The following PRKAG2 variants were observed in gnomAD, a reference collection of about 807,000 sequenced individuals.
PRKAG2 encodes 5'-AMP-activated protein kinase subunit gamma-2.
PRKAG2 carries 26 observed loss-of-function variants against 69.6 expected under a neutral mutation model. The observed-to-expected ratio is 0.37, with a 90% confidence interval of 0.27 to 0.52. The LOEUF (loss-of-function observed/expected upper bound fraction) is 0.52. PRKAG2 is among the 20% of genes least tolerant of loss of function. The pLI, the probability that PRKAG2 is intolerant of heterozygous loss-of-function variation, is 0.90. For missense variants in PRKAG2, 557 were observed against 740.0 expected (o/e 0.75, Z 2.87); for synonymous variants, 293 against 285.0 (o/e 1.03, Z -0.28).
chr7:151,875,527 G>A (rs914341020), intron 1 of PRKAG2, among the ~76,000 whole-genome samples: 1 of 151,596 alleles, frequency 6.6e-6, no homozygotes, highest in African/African-American at 2.4e-5. Flanking sequence ...ACCCTGCCCC[G>A]GGAGAGCAAA....
chr7:151,822,833 C>T (rs1288721254), intron 1 of PRKAG2, among the ~76,000 whole-genome samples: 1 of 149,682 alleles, frequency 6.7e-6, no homozygotes, highest in Non-Finnish European at 1.5e-5. Flanking sequence ...GTCACACTCC[C>T]TCCCTCCCCA....
chr7:151,634,952 T>C (rs994775277), intron 4 of PRKAG2, among the ~76,000 whole-genome samples: 150 of 144,294 alleles, frequency 1.0e-3, no homozygotes, highest in Non-Finnish European at 1.4e-3. Flanking sequence ...TTTTTTTTTT[T>C]TTTTCTTTTT....
chr7:151,732,635 A>C (rs1799136267), intron 3 of PRKAG2, among the ~76,000 whole-genome samples: 1 of 152,204 alleles, frequency 6.6e-6, no homozygotes, highest in Non-Finnish European at 1.5e-5. Context: ...AGAGCTACAG[A>C]CCGTGCTCCT....
At position 151,675,496 on chromosome 7, in the gene PRKAG2, C is replaced by T. The variant is rs1214686289; in HGVS notation, c.608G>A (p.Arg203Lys). The change falls in exon 4 of 16, where the codon AGG becomes AAG. Residue 203 changes from arginine (R) to lysine (K), a missense_variant. Arg to Lys is a conservative substitution (Grantham distance 26). This residue lies in a region of PRKAG2 where 352 missense variants were observed against 356.7 expected (regional missense o/e 0.99). Coordinates refer to ENST00000287878, the MANE Select transcript of PRKAG2 (RefSeq NM_016203.4). Reference sequence around the variant, plus strand: ...GCTCTGGAAGGAAGACGGGCAGAACCTCTGCCCTGTGTCCGGGGGGGAAGA... The same window carrying T: ...GCTCTGGAAGGAAGACGGGCAGAACTTCTGCCCTGTGTCCGGGGGGGAAGA... ...ASSSPPDTGQ[R>K]FCPSSFQSPT... 7 of 1,614,074 alleles carry T rather than the reference C, an allele frequency of 4.3e-6. No homozygotes were observed. The highest frequency in any genetic ancestry group is 3.3e-5 in the South Asian group (3 of 91,092).
At chr7:151,865,504 G>A (rs2080041096) in intron 1 of PRKAG2, among the ~76,000 whole-genome samples, 1 of 152,218 alleles carries the variant, frequency 6.6e-6, no homozygotes, top group Non-Finnish European at 1.5e-5. Flanking sequence ...GCCTTGTGAG[G>A]GGAGAGAGGG....
chr7:151,774,308 C>CA (rs1175603483), intron 3 of PRKAG2, among the ~76,000 whole-genome samples: 1 of 152,090 alleles, frequency 6.6e-6, no homozygotes. Context: ...CTTCCCTGGG[C>CA]AAAAAACACC....
At chr7:151,865,262 G>A (rs1209063721) in intron 1 of PRKAG2, among the ~76,000 whole-genome samples, 3 of 152,200 alleles carry the variant, frequency 2.0e-5, no homozygotes, top group East Asian at 3.9e-4. Flanking sequence ...CCCGCGGCTC[G>A]GCTGGCATGG....
intron 3 of PRKAG2, among the ~76,000 whole-genome samples, chr7:151,691,486 A>T (rs1352320328): frequency 3.3e-3 from 73 of 22,198 alleles, no homozygotes; most frequent in African/African-American, 9.4e-3. Context: ...AAACTCAGTA[A>T]AAAAAAAAAA....
intron 1 of PRKAG2, among the ~76,000 whole-genome samples, chr7:151,795,898 A>G (rs1586575864): frequency 7.5e-6 from 1 of 133,576 alleles, no homozygotes; most frequent in Admixed American, 7.1e-5. Flanking sequence ...TATCACGATA[A>G]TATGTATATG....
intron 1 of PRKAG2, among the ~76,000 whole-genome samples, chr7:151,842,238 A>G (rs867497992): frequency 2.9e-4 from 22 of 75,130 alleles, no homozygotes; most frequent in Non-Finnish European, 3.1e-4. Context: ...TGATGGTAGC[A>G]ATGGTAGGTA....
intron 14 of PRKAG2, among the ~76,000 whole-genome samples, chr7:151,561,620 G>A (rs891828374): frequency 2.6e-5 from 4 of 152,228 alleles, no homozygotes; most frequent in Non-Finnish European, 5.9e-5. Flanking sequence ...GGAAGGGAGC[G>A]GCGTTGCTAT....
At chr7:151,645,592 G>A (rs1222468171) in intron 4 of PRKAG2, among the ~76,000 whole-genome samples, 1 of 152,148 alleles carries the variant, frequency 6.6e-6, no homozygotes, top group African/African-American at 2.4e-5. Context: ...TTAAAAAAAT[G>A]CATTTAGGAT....
intron 3 of PRKAG2, among the ~76,000 whole-genome samples, chr7:151,731,541 C>T (rs901861883): frequency 2.1e-5 from 2 of 94,622 alleles, no homozygotes; most frequent in Admixed American, 2.0e-4. Flanking sequence ...TGTGTGCGCA[C>T]AGGTACATGA....
Position 151,875,614 on chromosome 7 carries a change from T to TGTGTAC in PRKAG2, c.114+892_114+893insGTACAC, listed in dbSNP as rs1554622416. ...GTGTGTGTGTGTGTGTGTGTGTGTG[T>TGTGTAC]ACACAAACATTTACTTGGTTGGCTG... On this transcript the variant is annotated intron_variant, in intron 1 of 15. Coordinates refer to ENST00000287878, the MANE Select transcript of PRKAG2 (RefSeq NM_016203.4). Among the ~76,000 whole-genome samples the TGTGTAC allele has an allele frequency of 4.3e-5, 6 of 139,910 alleles. No individual in the cohort carries two copies. The East Asian group carries it at 1.3e-3, about 30-fold the overall frequency. 91.8% of individuals were successfully genotyped at this position (139,910 alleles called of 152,430 possible).
At chr7:151,717,949 C>T (rs115220510) in intron 3 of PRKAG2, among the ~76,000 whole-genome samples, 1,558 of 152,298 alleles carry the variant, frequency 0.01, 24 homozygotes, top group East Asian at 0.044. Context: ...TTTCTGCCCA[C>T]GCAGCATCTT....
chr7:151,615,814 A>G (rs1819992176), intron 5 of PRKAG2, among the ~76,000 whole-genome samples: 1 of 152,244 alleles, frequency 6.6e-6, no homozygotes, highest in Non-Finnish European at 1.5e-5. Context: ...ATATGAAAAA[A>G]AGCTCAACAC....
At chr7:151,642,049 AAAG>A (rs1826803626) in intron 4 of PRKAG2, among the ~76,000 whole-genome samples, 1 of 150,202 alleles carries the variant, frequency 6.7e-6, no homozygotes, top group Non-Finnish European at 1.5e-5. Flanking sequence ...AAAAAAAAAA[AAAG>A]GGGCCAGGCG....
chr7:151,607,483 A>G (rs1448782680), intron 5 of PRKAG2, among the ~76,000 whole-genome samples: 1 of 151,730 alleles, frequency 6.6e-6, no homozygotes. Flanking sequence ...CACTATGTTG[A>G]CCAGGCTGGT....
intron 1 of PRKAG2, among the ~76,000 whole-genome samples, chr7:151,867,337 G>C (rs1047408515): frequency 3.1e-4 from 47 of 152,200 alleles, no homozygotes; most frequent in Non-Finnish European, 5.7e-4. Flanking sequence ...AGAGGCCAGA[G>C]GTCTGAAATC....
Sources: allele counts gnomAD v4.1 joint callset (sites outside exome capture counted in the v4.1 genomes callset), GRCh38; gene constraint gnomAD v4.1.1; regional missense constraint gnomAD v4.1.1; transcripts MANE v1.5; gene names NCBI Gene and HGNC (gene_info 2026-07-23, HGNC 2026-07-21).